The following HPN variants were observed in gnomAD, a reference collection of about 807,000 sequenced individuals.
The protein encoded by HPN is serine protease hepsin.
Under a neutral mutation model 55.9 loss-of-function variants are expected in HPN, and 13 were observed. That is an observed-to-expected ratio of 0.23 (90% CI 0.15 to 0.37). The LOEUF is 0.37. Ranked by LOEUF, HPN falls within the 10% of genes least tolerant of loss-of-function variation. The pLI is 1.00. For missense variants in HPN, 451 were observed against 575.8 expected, an observed-to-expected ratio of 0.78 and a Z score of 2.22; for synonymous variants, 225 against 240.3, an observed-to-expected ratio of 0.94 and a Z score of 0.59.
At chr19:35,042,401 T>C in intron 1 of HPN, 52 bp from the exon 2 acceptor site, 1 of 1,507,490 alleles carries the variant, frequency 6.6e-7, no homozygotes, top group Non-Finnish European at 8.9e-7. Context: ...GCGCCAGGAC[T>C]GGGCTGGGCT....
At position 35,065,901 on chromosome 19, in the gene HPN, A is replaced by G; in HGVS notation, c.1084A>G (p.Ser362Gly). The G allele has an allele frequency of 1.9e-6, 3 of 1,614,150 alleles. No individual in the cohort carries two copies. The South Asian group carries it at 3.3e-5, about 18-fold the overall frequency. ...DSGGPFVCED[S>G]ISRTPRWRLC... ...CGGTGGTCCCTTTGTGTGTGAGGAC[A>G]GCATCTCTCGGACGCCACGTTGGCG... Residue 362 changes from serine (S) to glycine (G), a missense_variant, in exon 12 of 13, where the codon AGC becomes GGC. Physicochemically the swap from Ser to Gly is moderately conservative, Grantham distance 56 (BLOSUM62 0). Coordinates refer to ENST00000672452, the MANE Select transcript of HPN (RefSeq NM_001384133.1).
chr19:35,041,037 C>T (rs72550255), upstream of HPN, among the ~76,000 whole-genome samples: 1 of 152,224 alleles, frequency 6.6e-6, no homozygotes, highest in Non-Finnish European at 1.5e-5. Flanking sequence ...TGACGTGGGC[C>T]GCGCCTGGCT....
At position 35,048,028 on chromosome 19, in the gene HPN, AAAAGAAAG is replaced by A. The variant is rs1555722914; in HGVS notation, c.17-1214_17-1207del. 9.3e-3 allele frequency among the ~76,000 whole-genome samples: 814 copies of A among 87,438 alleles called. 16 individuals carry two copies. Among genetic ancestry groups the A allele is most frequent in the South Asian group, 0.03 (77 of 2,582 alleles). The allele number at this position is 87,438 out of a possible 152,430, so 57.4% of individuals were successfully genotyped here. On this transcript the variant is annotated intron_variant, in intron 2 of 12. Coordinates refer to ENST00000672452, the MANE Select transcript of HPN (RefSeq NM_001384133.1). Reference sequence around the variant, plus strand: ...AGAAAAAGAAAGAGAGAGAGAGAGAAAAAGAAAGAAAGAAAGAAAGAAAGAAAGAAAGA... The same window carrying A: ...AGAAAAAGAAAGAGAGAGAGAGAGAAAAAGAAAGAAAGAAAGAAAGAAAGA...
At chr19:35,059,511 C>A (rs1248481008) in intron 4 of HPN, 162 bp from the exon 5 acceptor site, 8 of 884,156 alleles carry the variant, frequency 9.0e-6, no homozygotes, top group African/African-American at 3.3e-5. Context: ...AGTCATGATT[C>A]CAGATGCAAT....
Position 35,066,388 on chromosome 19 carries a change from C to A in HPN, c.*101C>A. ...GGACGTTTTTCTTCTTGGGCCCGGT[C>A]CACAGGTCCAAGGACACCCTCCCTC... On this transcript the variant is annotated 3_prime_UTR_variant, in exon 13 of 13. Transcript: ENST00000672452. The A allele has an allele frequency of 1.4e-6, 2 of 1,470,120 alleles. No individual in the cohort carries two copies. Among genetic ancestry groups the A allele is most frequent in the South Asian group, 1.2e-5 (1 of 82,210 alleles). The allele number at this position is 1,470,120 out of a possible 1,614,324, so 91.1% of individuals were successfully genotyped here. A position where few individuals can be genotyped will look rare whatever the true frequency, so the allele number is the denominator to read the frequency against.
chr19:35,041,545 A>G (rs2064293368), upstream of HPN: 6 of 794,392 alleles, frequency 7.6e-6, no homozygotes, highest in South Asian at 2.8e-4. Context: ...ACATCCCCGC[A>G]GACAGGCACA....
chr19:35,056,577 G>A (rs1020377815), intron 4 of HPN, among the ~76,000 whole-genome samples: 17 of 152,176 alleles, frequency 1.1e-4, no homozygotes, highest in African/African-American at 3.9e-4. Context: ...GACATGAACA[G>A]TCTCCCGGGA....
At chr19:35,052,831 G>A in intron 4 of HPN, among the ~76,000 whole-genome samples, 1 of 152,154 alleles carries the variant, frequency 6.6e-6, no homozygotes, top group South Asian at 2.1e-4. Context: ...AGTTATGAGT[G>A]CACCCAAAGC....
At chr19:35,045,202 A>G (rs1477136226) in intron 2 of HPN, among the ~76,000 whole-genome samples, 2 of 152,014 alleles carry the variant, frequency 1.3e-5, no homozygotes, top group Non-Finnish European at 2.9e-5. Flanking sequence ...GAGTCCACAG[A>G]GGTGGGTGAG....
At chr19:35,058,584 ATAT>A (rs746125948) in intron 4 of HPN, among the ~76,000 whole-genome samples, 343 of 146,716 alleles carry the variant, frequency 2.3e-3, no homozygotes, top group Middle Eastern at 7.2e-3. Context: ...TTATAATAAT[ATAT>A]TATTATATTA....
At chr19:35,048,064 G>T (rs1284561396) in intron 2 of HPN, among the ~76,000 whole-genome samples, 1 of 53,490 alleles carries the variant, frequency 1.9e-5, no homozygotes, top group Non-Finnish European at 3.3e-5. Context: ...AAGAAAGAAA[G>T]AAAGAAAGAA....
At chr19:35,053,896 A>G (rs2064429157) in intron 4 of HPN, among the ~76,000 whole-genome samples, 1 of 152,114 alleles carries the variant, frequency 6.6e-6, no homozygotes, top group African/African-American at 2.4e-5. Context: ...CCCCAACCCC[A>G]GAGCAGGAGG....
At chr19:35,052,120 T>C (rs957192643) in intron 4 of HPN, among the ~76,000 whole-genome samples, 4 of 152,194 alleles carry the variant, frequency 2.6e-5, no homozygotes, top group African/African-American at 9.6e-5. Flanking sequence ...TTCTGCACAG[T>C]TCCTTCTGAG....
At position 35,050,199 on chromosome 19, in the gene HPN, C is replaced by T. The variant is rs757485756; in HGVS notation, c.160+683C>T. 5.4e-4 allele frequency among the ~76,000 whole-genome samples: 82 copies of T among 152,186 alleles called. 2 individuals carry two copies. The highest frequency in any genetic ancestry group is 2.8e-4 in the Non-Finnish European group (19 of 67,998). On this transcript the variant is annotated intron_variant, in intron 4 of 12. Coordinates refer to ENST00000672452, the MANE Select transcript of HPN (RefSeq NM_001384133.1). ...GTGCAATGGTGCAGTCTCAGCTCAC[C>T]GCAACCTCTGCCTCCCAGGTTCAAG...
chr19:35,041,596 G>A (rs2064293888), upstream of HPN: 1 of 1,145,776 alleles, frequency 8.7e-7, no homozygotes, highest in Admixed American at 4.3e-5. Flanking sequence ...CCCGTAGCTG[G>A]GCCCGCCTGG....
At chr19:35,045,769 G>A (rs371241719) in intron 2 of HPN, among the ~76,000 whole-genome samples, 4 of 142,110 alleles carry the variant, frequency 2.8e-5, no homozygotes, top group Non-Finnish European at 4.5e-5. Context: ...GTCCCACACC[G>A]TGGGCCAGAT....
intron 4 of HPN, among the ~76,000 whole-genome samples, 199 bp downstream of exon 4, chr19:35,049,715 G>A (rs959467969): frequency 6.6e-6 from 1 of 152,104 alleles, no homozygotes; most frequent in African/African-American, 2.4e-5. Context: ...GACTTTTTCA[G>A]ACACCAGTGT....
chr19:35,063,143 A>C (rs1000218499), intron 9 of HPN, among the ~76,000 whole-genome samples: 8 of 152,166 alleles, frequency 5.3e-5, no homozygotes, highest in Admixed American at 3.3e-4. Flanking sequence ...CCTGGTAAGG[A>C]GGGTTCTCTT....
rs2064597844 is a variant in HPN, at chr19:35,065,577, A to G, written c.946A>G (p.Ile316Val). The G allele has an allele frequency of 5.6e-6, 9 of 1,614,046 alleles. No individual in the cohort carries two copies. Among genetic ancestry groups the G allele is most frequent in the Non-Finnish European group, 6.8e-6 (8 of 1,180,034 alleles). ...AGVLQEARVP[I>V]ISNDVCNGAD... ...GGTACTCCAGGAGGCTCGAGTCCCC[A>G]TAATCAGCAATGATGTCTGCAATGG... Residue 316 changes from isoleucine to valine, a missense_variant, in exon 11 of 13, where the codon ATA becomes GTA. Coordinates refer to ENST00000672452, the MANE Select transcript of HPN (RefSeq NM_001384133.1).
Sources: gnomAD v4.1 joint callset for allele counts (sites outside exome capture counted in the v4.1 genomes callset) on GRCh38, gnomAD v4.1.1 for gene constraint, MANE v1.5 for transcripts, NCBI Gene and HGNC (gene_info 2026-07-23, HGNC 2026-07-21) for gene names.